The following SLC6A2 variants were observed in gnomAD, a reference collection of about 807,000 sequenced individuals.
SLC6A2 encodes solute carrier family 6 member 2, also known as sodium-dependent noradrenaline transporter.
A neutral mutation model predicts 71.7 loss-of-function variants in SLC6A2; 26 were observed. That is an observed-to-expected ratio of 0.36 (90% CI 0.27 to 0.50). SLC6A2 has a LOEUF of 0.50. Ranked by LOEUF, SLC6A2 falls within the 20% of genes least tolerant of loss-of-function variation. The pLI, the probability that SLC6A2 is intolerant of heterozygous loss-of-function variation, is 0.96. For missense variants in SLC6A2, 581 were observed against 803.9 expected (o/e 0.72, Z 3.35); for synonymous variants, 363 against 337.9 (o/e 1.07, Z -0.82).
chr16:55,699,134 G>C (rs1965892293), intron 11 of SLC6A2, among the ~76,000 whole-genome samples: 1 of 152,144 alleles, frequency 6.6e-6, no homozygotes, highest in South Asian at 2.1e-4. Flanking sequence ...TCACTCTGCT[G>C]CCACTCAGAA....
At chr16:55,700,014 C>T (rs1965920169) in intron 12 of SLC6A2, 125 bp from the exon 13 acceptor site, 1 of 791,354 alleles carries the variant, frequency 1.3e-6, no homozygotes, top group Admixed American at 2.0e-5. Flanking sequence ...CTTATTTCCT[C>T]CCTTTGCTGT....
At chr16:55,669,745 G>GT (rs1567434988) in intron 3 of SLC6A2, 49 bp downstream of exon 3, 3 of 1,608,592 alleles carry the variant, frequency 1.9e-6, no homozygotes, top group Non-Finnish European at 1.7e-6. Flanking sequence ...AGGCTTCCCT[G>GT]TTGCCCTTGG....
In SLC6A2 at chr16:55,669,453, G is replaced by C. The variant is rs1964844125; in HGVS notation, c.275-112G>C. 1.3e-5 allele frequency: 15 copies of C among 1,169,728 alleles called. No homozygotes were observed. In the South Asian group the frequency reaches 1.8e-4, roughly 14 times the overall value. The allele number at this position is 1,169,728 out of a possible 1,614,324, so 72.5% of individuals were successfully genotyped here. On this transcript the variant is annotated intron_variant, in intron 2 of 14. Transcript: ENST00000568943. ...TATTGATTGCTGCGCGTCGCCTTTG[G>C]AAACAGCCAGCTGAGCAGACGCCCA...
rs191057418 is a variant in SLC6A2 at position 55,686,075 on chromosome 16, G to T, written c.783+794G>T. On this transcript the variant is annotated intron_variant, in intron 5 of 14. Transcript: ENST00000568943. The stretch of plus-strand genomic sequence containing the variant: ...TCCAGTGTTGTGGTGAGCTAATGCT[G>T]TGCAACAAACCACCCCAAAATGTAG... 5.2e-4 allele frequency among the ~76,000 whole-genome samples: 79 copies of T among 152,274 alleles called. 1 individual carries two copies. In the East Asian group the frequency reaches 0.014, roughly 27 times the overall value.
chr16:55,677,619 G>A (rs1965132851), intron 4 of SLC6A2, among the ~76,000 whole-genome samples: 1 of 152,098 alleles, frequency 6.6e-6, no homozygotes, highest in Admixed American at 6.5e-5. Context: ...GCATCTTCAG[G>A]CTGAAATGGT....
At chr16:55,689,390 G>A (rs1329545710) in intron 5 of SLC6A2, among the ~76,000 whole-genome samples, 1 of 152,226 alleles carries the variant, frequency 6.6e-6, no homozygotes, top group Non-Finnish European at 1.5e-5. Flanking sequence ...CAGGGTCTCA[G>A]CTCAGTCATG....
intron 4 of SLC6A2, among the ~76,000 whole-genome samples, chr16:55,682,149 C>T (rs544952258): frequency 1.2e-4 from 19 of 152,198 alleles, no homozygotes; most frequent in Non-Finnish European, 1.9e-4. Flanking sequence ...TCAGGTGATC[C>T]GCCTGCCTTG....
At position 55,663,298 on chromosome 16, in the gene SLC6A2, G is replaced by A. The variant is rs189369615; in HGVS notation, c.275-6267G>A. ...TGAGAGGTGTTTGGGTCATGAGAGT[G>A]GATCCCTTATAAATGGATTAATGTC... is the stretch of plus-strand genomic sequence containing the variant. On this transcript the variant is annotated intron_variant, in intron 2 of 14. Coordinates refer to ENST00000568943, the MANE Select transcript of SLC6A2 (RefSeq NM_001172501.3). Among the ~76,000 whole-genome samples, 39 of 152,274 alleles carry A rather than the reference G, an allele frequency of 2.6e-4. No individual in the cohort carries two copies. The East Asian group carries it at 3.5e-3, about 14-fold the overall frequency.
At chr16:55,669,243 A>G (rs1964836837) in intron 2 of SLC6A2, among the ~76,000 whole-genome samples, 1 of 152,202 alleles carries the variant, frequency 6.6e-6, no homozygotes. Flanking sequence ...GGTAAAGGCT[A>G]CACCTGTGAT....
rs144859472 is a variant in SLC6A2 at position 55,668,547 on chromosome 16, G to A, written c.275-1018G>A. Among the ~76,000 whole-genome samples the A allele has an allele frequency of 2.7e-4, 41 of 152,316 alleles. No individual in the cohort carries two copies. The East Asian group carries it at 3.9e-3, about 14-fold the overall frequency. On this transcript the variant is annotated intron_variant, in intron 2 of 14. Coordinates refer to ENST00000568943, the MANE Select transcript of SLC6A2 (RefSeq NM_001172501.3). ...TTTGGATCTGGCCTGGCCACCTCCA[G>A]CTGTGCGTGGAAAGGAGCTGGTGTG...
chr16:55,702,027 A>G (rs1412781160), intron 14 of SLC6A2, 93 bp downstream of exon 14: 5 of 1,007,666 alleles, frequency 5.0e-6, no homozygotes, highest in Middle Eastern at 2.1e-4. Flanking sequence ...CATCACATCC[A>G]GAAAACCCAG....
intron 2 of SLC6A2, among the ~76,000 whole-genome samples, chr16:55,659,944 G>C (rs1964565558): frequency 6.6e-6 from 1 of 152,000 alleles, no homozygotes; most frequent in African/African-American, 2.4e-5. Flanking sequence ...ATAACTCATG[G>C]AGAGCCTGGC....
At chr16:55,697,553 A>G (rs1022158113) in intron 9 of SLC6A2, among the ~76,000 whole-genome samples, 1 of 152,190 alleles carries the variant, frequency 6.6e-6, no homozygotes, top group Admixed American at 6.5e-5. Flanking sequence ...ATGTAAACGT[A>G]TGACATGGGT....
At chr16:55,683,624 A>G (rs553593866) in intron 4 of SLC6A2, among the ~76,000 whole-genome samples, 1 of 152,112 alleles carries the variant, frequency 6.6e-6, no homozygotes, top group South Asian at 2.1e-4. Context: ...AAACAAACAA[A>G]CAAACAAACA....
intron 5 of SLC6A2, among the ~76,000 whole-genome samples, chr16:55,691,644 C>T (rs1965632778): frequency 6.6e-6 from 1 of 152,152 alleles, no homozygotes; most frequent in African/African-American, 2.4e-5. Context: ...CTAGTCTTTG[C>T]CCTTGGCTTT....
At position 55,698,533 on chromosome 16, in the gene SLC6A2, T is replaced by C. The variant is rs1427014653; in HGVS notation, c.1454T>C (p.Val485Ala). Residue 485 changes from valine (V) to alanine (A), a missense_variant, in exon 11 of 15, where the codon GTC (valine) becomes GCC (alanine). Physicochemically the swap from Val to Ala is moderately conservative, Grantham distance 64. Coordinates refer to ENST00000568943, the MANE Select transcript of SLC6A2 (RefSeq NM_001172501.3). The stretch of plus-strand genomic sequence containing the variant: ...GCGGGCACCTCCATCCTTTTTGCTG[T>C]CCTCATGGAAGCCATCGGAGTTTCC... ...FAAGTSILFAVLMEAIGVSWF... is the reference protein window; with the variant it reads ...FAAGTSILFAALMEAIGVSWF... 1 of 1,614,102 alleles carries C rather than the reference T, an allele frequency of 6.2e-7. No individual in the cohort carries two copies. The highest frequency in any genetic ancestry group is 8.5e-7 in the Non-Finnish European group (1 of 1,179,940).
intron 5 of SLC6A2, among the ~76,000 whole-genome samples, chr16:55,690,846 A>T (rs1479177362): frequency 6.6e-6 from 1 of 152,184 alleles, no homozygotes. Context: ...GGTGAGAAGG[A>T]ATAGCAAGGA....
chr16:55,660,733 C>A (rs1200115805), intron 2 of SLC6A2, among the ~76,000 whole-genome samples: 3 of 152,150 alleles, frequency 2.0e-5, no homozygotes, highest in Non-Finnish European at 4.4e-5. Flanking sequence ...AGATTTATTC[C>A]TTTCCAATGC....
At chr16:55,661,392 T>C (rs1396365951) in intron 2 of SLC6A2, among the ~76,000 whole-genome samples, 2 of 152,184 alleles carry the variant, frequency 1.3e-5, no homozygotes, top group African/African-American at 4.8e-5. Flanking sequence ...TCAGTTTCCT[T>C]ACACAGAAGA....
Sources: allele counts gnomAD v4.1 joint callset (sites outside exome capture counted in the v4.1 genomes callset), GRCh38; gene constraint gnomAD v4.1.1; transcripts MANE v1.5; gene names NCBI Gene and HGNC (gene_info 2026-07-23, HGNC 2026-07-21).